The following ATXN8OS variants were observed in gnomAD, a reference collection of about 807,000 sequenced individuals.
ATXN8OS encodes ATXN8 opposite strand (non-protein coding).
chr13:70,143,723 A>G (rs1364422551), intron 3 of ATXN8OS, among the ~76,000 whole-genome samples: 1 of 152,108 alleles, frequency 6.6e-6, no homozygotes, highest in East Asian at 1.9e-4. Context: ...TACATATACT[A>G]CTGGAACTCT....
intron 4 of ATXN8OS, among the ~76,000 whole-genome samples, chr13:70,161,763 GA>G: frequency 2.2e-5 from 1 of 45,264 alleles, no homozygotes; most frequent in Admixed American, 2.4e-4. Context: ...TTTGTTGAGT[GA>G]AAAAAAATGA....
At chr13:70,155,125 C>T (rs986702162) in intron 4 of ATXN8OS, among the ~76,000 whole-genome samples, 3 of 152,168 alleles carry the variant, frequency 2.0e-5, no homozygotes, top group Non-Finnish European at 4.4e-5. Flanking sequence ...TGTTTCAACC[C>T]GAGGTCTCTC....
chr13:70,107,876 G>A (rs1888114758), exon 1 of ATXN8OS: 1 of 558,006 alleles, frequency 1.8e-6, no homozygotes, highest in Non-Finnish European at 3.1e-6. Flanking sequence ...CTGGAGCGCA[G>A]ACGGCAAAGC....
chr13:70,132,173 T>C (rs544509748), intron 3 of ATXN8OS, among the ~76,000 whole-genome samples: 3 of 152,244 alleles, frequency 2.0e-5, no homozygotes, highest in African/African-American at 7.2e-5. Flanking sequence ...TGAAAATATA[T>C]TGCTTACTGG....
At chr13:70,132,882 T>C (rs1888554399) in intron 3 of ATXN8OS, among the ~76,000 whole-genome samples, 1 of 151,798 alleles carries the variant, frequency 6.6e-6, no homozygotes, top group African/African-American at 2.4e-5. Context: ...ATGTGCAAAG[T>C]CCAATGTAGA....
chr13:70,108,326 T>C, intron 1 of ATXN8OS: 1 of 310,498 alleles, frequency 3.2e-6, no homozygotes, highest in Non-Finnish European at 5.8e-6. Flanking sequence ...AGTCAATTGC[T>C]TTCTGCAATG....
chr13:70,136,971 A>G (rs1034445315), intron 3 of ATXN8OS, among the ~76,000 whole-genome samples: 4 of 152,158 alleles, frequency 2.6e-5, no homozygotes, highest in Admixed American at 1.3e-4. Flanking sequence ...GGCCAGAAGG[A>G]GGATCCCTTC....
chr13:70,150,519 C>G (rs941005531), intron 4 of ATXN8OS, among the ~76,000 whole-genome samples: 2 of 151,992 alleles, frequency 1.3e-5, no homozygotes, highest in Admixed American at 1.3e-4. Flanking sequence ...CTGCAGGCTA[C>G]TGAAAAATGA....
At chr13:70,124,702 C>G (rs925043309) in intron 2 of ATXN8OS, among the ~76,000 whole-genome samples, 1 of 151,832 alleles carries the variant, frequency 6.6e-6, no homozygotes, top group Non-Finnish European at 1.5e-5. Flanking sequence ...TTTTTTTCCC[C>G]GGAAATCTGG....
At chr13:70,115,325 T>G in intron 2 of ATXN8OS, 1 of 397,990 alleles carries the variant, frequency 2.5e-6, no homozygotes, top group Non-Finnish European at 4.4e-6. Flanking sequence ...ATGTCATTAA[T>G]CCATTCACAG....
At chr13:70,151,135 GT>G (rs1269093512) in intron 4 of ATXN8OS, among the ~76,000 whole-genome samples, 1 of 151,744 alleles carries the variant, frequency 6.6e-6, no homozygotes, top group Admixed American at 6.6e-5. Context: ...TTTTGCTTTT[GT>G]TTGTTGTTGC....
chr13:70,124,766 G>A (rs571417380), intron 2 of ATXN8OS, among the ~76,000 whole-genome samples: 2 of 151,970 alleles, frequency 1.3e-5, no homozygotes, highest in African/African-American at 4.8e-5. Flanking sequence ...ACTAATTACT[G>A]AAGATATATC....
chr13:70,115,479 G>C (rs1888265225), intron 2 of ATXN8OS, among the ~76,000 whole-genome samples: 1 of 152,120 alleles, frequency 6.6e-6, no homozygotes, highest in South Asian at 2.1e-4. Flanking sequence ...CTATATGTAT[G>C]TTTGTGTATT....
At chr13:70,130,848 G>A (rs1384993879) in intron 3 of ATXN8OS, 2 of 398,348 alleles carry the variant, frequency 5.0e-6, no homozygotes, top group Non-Finnish European at 8.8e-6. Flanking sequence ...ACTTGTTGAA[G>A]GTATAGAGAA....
chr13:70,107,818 C>T, exon 1 of ATXN8OS: 1 of 754,300 alleles, frequency 1.3e-6, no homozygotes, highest in East Asian at 2.8e-5. Context: ...CTCTGCACCC[C>T]TAGAGCCAGA....
intron 3 of ATXN8OS, among the ~76,000 whole-genome samples, chr13:70,133,037 T>C (rs1353895028): frequency 2.6e-5 from 4 of 152,162 alleles, no homozygotes; most frequent in Non-Finnish European, 5.9e-5. Flanking sequence ...ATCATTGCAT[T>C]GATCAGTAAT....
intron 2 of ATXN8OS, among the ~76,000 whole-genome samples, chr13:70,127,297 A>G (rs143002634): frequency 2.3e-4 from 35 of 152,160 alleles, no homozygotes; most frequent in African/African-American, 8.4e-4. Flanking sequence ...GATTTTAGTA[A>G]GAGTATTGCT....
intron 4 of ATXN8OS, among the ~76,000 whole-genome samples, chr13:70,155,232 T>C (rs1888922270): frequency 1.3e-5 from 2 of 152,318 alleles, no homozygotes; most frequent in Admixed American, 6.5e-5. Context: ...GTTTCCTTGA[T>C]ACAAACATGT....
intron 4 of ATXN8OS, among the ~76,000 whole-genome samples, chr13:70,162,815 A>G (rs181425781): frequency 3.3e-5 from 5 of 152,190 alleles, no homozygotes; most frequent in Admixed American, 6.6e-5. Flanking sequence ...TCTTCCATGA[A>G]TCTTTGAATC....
Sources: gnomAD v4.1 joint callset for allele counts (sites outside exome capture counted in the v4.1 genomes callset) on GRCh38, gnomAD v4.1.1 for gene constraint, MANE v1.5 for transcripts, NCBI Gene and HGNC (gene_info 2026-07-23, HGNC 2026-07-21) for gene names.